Variants in RABGAP1L observed in about 807,000 individuals in gnomAD.
RABGAP1L encodes the protein rab GTPase-activating protein 1-like.
In RABGAP1L, 63 loss-of-function variants were observed where a neutral mutation model predicts 137.7. That is an observed-to-expected ratio of 0.46 (90% CI 0.37 to 0.56). The LOEUF is 0.56. Ranked by LOEUF, RABGAP1L falls within the 20% of genes least tolerant of loss-of-function variation. The pLI is 0.00. For synonymous variants in RABGAP1L, 431 were observed against 433.7 expected (o/e 0.99, Z 0.08); for missense variants, 1,095 against 1,244.0 (o/e 0.88, Z 1.80).
chr1:174,573,979 G>A (rs879312368), intron 13 of RABGAP1L, among the ~76,000 whole-genome samples: 6 of 152,146 alleles, frequency 3.9e-5, no homozygotes, highest in Admixed American at 3.3e-4. Flanking sequence ...GTTTTCAATA[G>A]TTAAAAGAAC....
At chr1:174,973,603 C>T (rs1207705149) in intron 21 of RABGAP1L, among the ~76,000 whole-genome samples, 2 of 151,900 alleles carry the variant, frequency 1.3e-5, no homozygotes, top group African/African-American at 4.8e-5. Context: ...CAGGCTGATC[C>T]CGAACTCCTG....
chr1:174,441,623 A>T (rs929441937), intron 13 of RABGAP1L, among the ~76,000 whole-genome samples: 2 of 152,146 alleles, frequency 1.3e-5, no homozygotes, highest in African/African-American at 2.4e-5. Context: ...AATCCCAGCC[A>T]CTTGGGAGGC....
intron 16 of RABGAP1L, among the ~76,000 whole-genome samples, chr1:174,701,640 G>A (rs1679657374): frequency 6.6e-6 from 1 of 151,952 alleles, no homozygotes; most frequent in African/African-American, 2.4e-5. Flanking sequence ...CTACTTGGAA[G>A]GCTGAGGCAG....
chr1:174,394,281 C>A, intron 13 of RABGAP1L, 136 bp downstream of exon 13: 1 of 988,236 alleles, frequency 1.0e-6, no homozygotes, highest in Non-Finnish European at 1.5e-6. Flanking sequence ...AGTACTTCTA[C>A]CTTTTGTTCT....
intron 13 of RABGAP1L, among the ~76,000 whole-genome samples, chr1:174,460,006 A>G (rs1175820284): frequency 6.6e-6 from 1 of 152,100 alleles, no homozygotes; most frequent in Non-Finnish European, 1.5e-5. Flanking sequence ...TTTTCAGACC[A>G]GTCAACGGAC....
intron 19 of RABGAP1L, among the ~76,000 whole-genome samples, chr1:174,846,089 T>C (rs2148964433): frequency 1.3e-5 from 2 of 152,072 alleles, no homozygotes; most frequent in South Asian, 4.2e-4. Context: ...TTATTATTTT[T>C]TATTGTGTCT....
chr1:174,487,814 G>A (rs1005943634), intron 13 of RABGAP1L, among the ~76,000 whole-genome samples: 2 of 151,814 alleles, frequency 1.3e-5, no homozygotes, highest in Non-Finnish European at 2.9e-5. Context: ...TGAGGTTACC[G>A]TGAGACTTGC....
chr1:174,797,708 GGTGTGGT>G (rs1197914022), intron 18 of RABGAP1L, among the ~76,000 whole-genome samples: 12 of 145,960 alleles, frequency 8.2e-5, no homozygotes, highest in East Asian at 2.0e-4. Flanking sequence ...GTGTGTGTGG[GGTGTGGT>G]GTGTGGTGTG....
At chr1:174,595,717 GA>G in intron 13 of RABGAP1L, among the ~76,000 whole-genome samples, 1 of 120,364 alleles carries the variant, frequency 8.3e-6, no homozygotes. Flanking sequence ...CCCGTTCTCA[GA>G]TCTCCAGCTG....
intron 10 of RABGAP1L, among the ~76,000 whole-genome samples, chr1:174,282,178 G>A (rs1485621484): frequency 6.6e-6 from 1 of 152,198 alleles, no homozygotes; most frequent in African/African-American, 2.4e-5. Flanking sequence ...CCAAGAAATG[G>A]AATTGCTGTG....
chr1:174,781,825 C>A (rs1687036695), intron 18 of RABGAP1L, among the ~76,000 whole-genome samples: 1 of 152,128 alleles, frequency 6.6e-6, no homozygotes, highest in Non-Finnish European at 1.5e-5. Context: ...AAATGGGAAT[C>A]CTTTCCCCAT....
chr1:174,815,375 A>G (rs1333597566), intron 19 of RABGAP1L, among the ~76,000 whole-genome samples: 1 of 152,228 alleles, frequency 6.6e-6, no homozygotes, highest in Non-Finnish European at 1.5e-5. Flanking sequence ...TAGGCAAGAA[A>G]GTTTAACTCC....
At chr1:174,865,251 G>A (rs1651003877) in intron 19 of RABGAP1L, among the ~76,000 whole-genome samples, 1 of 152,178 alleles carries the variant, frequency 6.6e-6, no homozygotes, top group African/African-American at 2.4e-5. Flanking sequence ...CTGAGGCAGG[G>A]GATTATTTGA....
intron 12 of RABGAP1L, among the ~76,000 whole-genome samples, chr1:174,373,590 T>C (rs1031868349): frequency 6.6e-6 from 1 of 151,838 alleles, no homozygotes; most frequent in Non-Finnish European, 1.5e-5. Flanking sequence ...GACAACTGTT[T>C]AGTTCCACAC....
chr1:174,729,503 C>G (rs1461827862), intron 17 of RABGAP1L, among the ~76,000 whole-genome samples: 1 of 152,058 alleles, frequency 6.6e-6, no homozygotes, highest in African/African-American at 2.4e-5. Flanking sequence ...AGCCTCTGCA[C>G]AGCAAAAGAA....
At chr1:174,198,334 A>G (rs1490182341) in intron 1 of RABGAP1L, among the ~76,000 whole-genome samples, 1 of 152,196 alleles carries the variant, frequency 6.6e-6, no homozygotes, top group African/African-American at 2.4e-5. Flanking sequence ...TAATAAATAC[A>G]TTATTGTTGA....
rs1689905665 is a variant in RABGAP1L, at chr1:174,811,931, A to C, written c.2311A>C (p.Arg771=). 4 of 1,606,232 alleles carry C rather than the reference A, an allele frequency of 2.5e-6. No homozygotes were observed. In the East Asian group the frequency reaches 9.0e-5, roughly 36 times the overall value. Residue 771 remains arginine, a synonymous_variant, in exon 19 of 26, where the codon AGA becomes CGA. Coordinates refer to ENST00000681986, the MANE Select transcript of RABGAP1L (RefSeq NM_001366446.1). ...KRYRAEENAR[R]LMEQACNIKV... ...ATACAGGGCAGAGGAAAATGCAAGA[A>C]GACTGATGGAGCAGGCTTGCAATAT...
chr1:174,569,913 A>AT (rs1312327253), intron 13 of RABGAP1L, among the ~76,000 whole-genome samples: 3 of 152,238 alleles, frequency 2.0e-5, no homozygotes, highest in African/African-American at 7.2e-5. Flanking sequence ...AAGAAGTTGA[A>AT]GGGTAGTTTG....
rs562222711 is a variant in RABGAP1L, at chr1:174,693,869, G to C, written c.1900-5656G>C. 3.4e-3 allele frequency among the ~76,000 whole-genome samples: 511 copies of C among 152,232 alleles called. 3 individuals carry two copies. The highest frequency in any genetic ancestry group is 3.1e-3 in the Non-Finnish European group (209 of 68,010). On this transcript the variant is annotated intron_variant, in intron 15 of 25. Coordinates refer to ENST00000681986, the MANE Select transcript of RABGAP1L (RefSeq NM_001366446.1). ...AAAGGAAACAAGTAGGTGCTATTAAGTACATGATATAATATCAGGGTTCAA... is the reference window on the plus strand; with the variant it reads ...AAAGGAAACAAGTAGGTGCTATTAACTACATGATATAATATCAGGGTTCAA...
Sources: gnomAD v4.1 joint callset for allele counts (sites outside exome capture counted in the v4.1 genomes callset) on GRCh38, gnomAD v4.1.1 for gene constraint, MANE v1.5 for transcripts, NCBI Gene and HGNC (gene_info 2026-07-23, HGNC 2026-07-21) for gene names.